LRRK1: variants seen among roughly 807,000 people sequenced by gnomAD.
The protein encoded by LRRK1 is leucine rich repeat kinase 1, also known as leucine-rich repeat serine/threonine-protein kinase 1.
A neutral mutation model predicts 209.1 loss-of-function variants in LRRK1; 113 were observed. The ratio of observed to expected loss-of-function variants is 0.54; its 90% confidence interval spans 0.46 to 0.63. The LOEUF (loss-of-function observed/expected upper bound fraction) is 0.63, where lower values mean the gene tolerates loss of function less well. Ranked by LOEUF, LRRK1 falls within the 30% of genes least tolerant of loss-of-function variation. The pLI is 0.00. For synonymous variants in LRRK1, 1,144 were observed against 1,099.7 expected, an observed-to-expected ratio of 1.04 and a Z score of -0.80; for missense variants, 2,284 against 2,632.2, an observed-to-expected ratio of 0.87 and a Z score of 2.89.
chr15:100,945,773 A>C (rs529941384), intron 2 of LRRK1, among the ~76,000 whole-genome samples: 2 of 152,214 alleles, frequency 1.3e-5, no homozygotes, highest in Middle Eastern at 3.4e-3. Context: ...GATTACAGGC[A>C]TGAGCCACAG....
chr15:101,014,216 T>C, intron 10 of LRRK1, 100 bp from the exon 11 acceptor site: 1 of 815,154 alleles, frequency 1.2e-6, no homozygotes, highest in Non-Finnish European at 2.0e-6. Context: ...TTGGAATCGT[T>C]TGACTGCGCG....
intron 33 of LRRK1, chr15:101,067,123 C>T (rs1303248227): frequency 5.2e-6 from 2 of 387,280 alleles, no homozygotes; most frequent in African/African-American, 4.1e-5. Flanking sequence ...CCACACAGCA[C>T]CCTATGGGGA....
rs767489943 is a variant in LRRK1, at chr15:100,989,292, A to C, written c.656A>C (p.Tyr219Ser). 6.2e-7 allele frequency: 1 copy of C among 1,614,138 alleles called. No individual in the cohort carries two copies. Among genetic ancestry groups the C allele is most frequent in the East Asian group, 2.2e-5 (1 of 44,882 alleles). ...ATATTCCTGCTTCGGCATGGGGCCT[A>C]TTTCTGTTCCTACATCTTGCTGGAT... ...IAIFLLRHGA[Y>S]FCSYILLDSP... is the part of the protein sequence containing the mutation. The change falls in exon 6 of 34, where the codon TAT becomes TCT. Residue 219 changes from tyrosine (Y) to serine (S), a missense_variant. Physicochemically the swap from Tyr to Ser is moderately radical, Grantham distance 144. Around this residue, in one of 6 missense-constraint regions of LRRK1, gnomAD observed 134 missense variants for 191.7 expected, o/e 0.70. Transcript: ENST00000388948.
chr15:101,055,534 C>A (rs922183172), intron 27 of LRRK1, among the ~76,000 whole-genome samples: 24 of 152,282 alleles, frequency 1.6e-4, no homozygotes, highest in African/African-American at 5.8e-4. Flanking sequence ...GATTTGGGCT[C>A]CAACTCACAT....
Position 100,968,103 on chromosome 15 carries a change from A to C in LRRK1, c.98-5701A>C, listed in dbSNP as rs529604554. Among the ~76,000 whole-genome samples, 6 of 152,320 alleles carry C rather than the reference A, an allele frequency of 3.9e-5. No individual in the cohort carries two copies. In the East Asian group the frequency reaches 9.6e-4, roughly 24 times the overall value. Reference sequence around the variant, plus strand: ...TGATTTTTTTTCACTATATCTTAGAACAGCATATAAATGGAATCATTTTTG... The same window carrying C: ...TGATTTTTTTTCACTATATCTTAGACCAGCATATAAATGGAATCATTTTTG... On this transcript the variant is annotated intron_variant, in intron 2 of 33. Transcript: ENST00000388948.
At chr15:100,991,091 G>A (rs929521454) in intron 6 of LRRK1, among the ~76,000 whole-genome samples, 2 of 152,166 alleles carry the variant, frequency 1.3e-5, no homozygotes, top group African/African-American at 4.8e-5. Context: ...TTTTTAAAAT[G>A]AAGTTTTCTT....
At chr15:101,060,226 G>A (rs1173018964) in intron 29 of LRRK1, among the ~76,000 whole-genome samples, 2 of 152,186 alleles carry the variant, frequency 1.3e-5, no homozygotes, top group African/African-American at 4.8e-5. Flanking sequence ...AGGAAAGGAG[G>A]CAGGAGAGGC....
intron 1 of LRRK1, among the ~76,000 whole-genome samples, chr15:100,920,786 C>A (rs755975745): frequency 6.6e-5 from 10 of 151,968 alleles, no homozygotes; most frequent in Non-Finnish European, 1.3e-4. Context: ...TAAATCAGAC[C>A]ATATCAGTCC....
At chr15:100,951,167 G>T (rs2042644048) in intron 2 of LRRK1, among the ~76,000 whole-genome samples, 1 of 152,208 alleles carries the variant, frequency 6.6e-6, no homozygotes, top group Non-Finnish European at 1.5e-5. Context: ...ATGTGAAAAT[G>T]GCCAATCAGC....
chr15:101,069,136 C>T lies in LRRK1; in HGVS notation c.*288C>T, dbSNP rs1471867765. 7.2e-6 allele frequency: 2 copies of T among 279,394 alleles called. No individual in the cohort carries two copies. The highest frequency in any genetic ancestry group is 2.2e-5 in the African/African-American group (1 of 45,994). 17.3% of individuals were successfully genotyped at this position (279,394 alleles called of 1,614,324 possible). On this transcript the variant is annotated 3_prime_UTR_variant, in exon 34 of 34. Coordinates refer to ENST00000388948, the MANE Select transcript of LRRK1 (RefSeq NM_024652.6). The stretch of plus-strand genomic sequence containing the variant: ...GGGAGCGGCCTCCTCTGGCCTCCCC[C>T]ATCAGTTTGCAGGAGCAGGGGTGCA...
chr15:100,992,762 G>A (rs996709019), intron 6 of LRRK1, among the ~76,000 whole-genome samples: 2 of 152,134 alleles, frequency 1.3e-5, no homozygotes, highest in East Asian at 3.9e-4. Context: ...TCCACCTCCC[G>A]GGTCCAAGCA....
At position 100,924,703 on chromosome 15, in the gene LRRK1, C is replaced by A; in HGVS notation, c.71C>A (p.Pro24Gln). The change falls in exon 2 of 34, where the codon CCA becomes CAA. Residue 24 changes from proline (P) to glutamine (Q), a missense_variant. Transcript: ENST00000388948. ...CVGPEESAVC[P>Q]ERAMETLNGA... The stretch of plus-strand genomic sequence containing the variant: ...GGGCCGGAGGAGTCAGCTGTGTGTC[C>A]AGAACGTGCCATGGAGACGCTTAAC... 1 of 1,614,124 alleles carries A rather than the reference C, an allele frequency of 6.2e-7. No individual in the cohort carries two copies. Among genetic ancestry groups the A allele is most frequent in the Non-Finnish European group, 8.5e-7 (1 of 1,180,016 alleles).
At chr15:100,982,123 G>A (rs939241668) in intron 3 of LRRK1, among the ~76,000 whole-genome samples, 4 of 151,504 alleles carry the variant, frequency 2.6e-5, no homozygotes, top group Non-Finnish European at 4.4e-5. Flanking sequence ...CTCAGTAGGT[G>A]TTGATGGGGG....
At chr15:101,067,440 T>C (rs1327617644) in intron 33 of LRRK1, 1 of 334,952 alleles carries the variant, frequency 3.0e-6, no homozygotes, top group Admixed American at 3.2e-5. Flanking sequence ...TGTGTGTGTG[T>C]GTGTGTGTGT....
chr15:101,029,463 T>C (rs1287428345), intron 20 of LRRK1, among the ~76,000 whole-genome samples: 1 of 136,824 alleles, frequency 7.3e-6, no homozygotes, highest in Non-Finnish European at 1.5e-5. Context: ...TTCAGGGAGT[T>C]AAAAGAAATC....
At chr15:100,924,090 T>C (rs958771102) in intron 1 of LRRK1, among the ~76,000 whole-genome samples, 2 of 152,214 alleles carry the variant, frequency 1.3e-5, no homozygotes, top group Non-Finnish European at 2.9e-5. Flanking sequence ...AAGGAGAGCC[T>C]TGTATCGTGA....
Position 101,027,613 on chromosome 15 carries a change from C to A in LRRK1, c.2527-25C>A. The A allele has an allele frequency of 1.2e-6, 2 of 1,604,776 alleles. No individual in the cohort carries two copies. ...AGGTGTGCCTTGGGACCTGAGAGAC[C>A]CTGCCTCGCCCAACTGTCCCCCAGA... On this transcript the variant is annotated intron_variant, in intron 18 of 33. Coordinates refer to ENST00000388948, the MANE Select transcript of LRRK1 (RefSeq NM_024652.6). The surrounding 1 kb of genome is among the most constrained non-coding windows in gnomAD (Gnocchi z 5.1).
chr15:100,960,777 T>G (rs1216394603), intron 2 of LRRK1, among the ~76,000 whole-genome samples: 8 of 152,180 alleles, frequency 5.3e-5, no homozygotes, highest in Non-Finnish European at 7.4e-5. Context: ...AATAAATGAA[T>G]TTTTGGAAGA....
intron 2 of LRRK1, among the ~76,000 whole-genome samples, chr15:100,945,351 G>A (rs1369005804): frequency 1.3e-5 from 2 of 152,078 alleles, no homozygotes; most frequent in Non-Finnish European, 2.9e-5. Context: ...TTCCTAATGT[G>A]ATATGTGAAA....
Sources: allele counts gnomAD v4.1 joint callset (sites outside exome capture counted in the v4.1 genomes callset), GRCh38; gene constraint gnomAD v4.1.1; regional missense constraint gnomAD v4.1.1; non-coding constraint Gnocchi (gnomAD v3.1); transcripts MANE v1.5; gene names NCBI Gene and HGNC (gene_info 2026-07-23, HGNC 2026-07-21).